IMMP2L: variants seen among roughly 807,000 people sequenced by gnomAD.
IMMP2L encodes the protein inner mitochondrial membrane peptidase subunit 2.
A neutral mutation model predicts 19.3 loss-of-function variants in IMMP2L; 18 were observed. That is an observed-to-expected ratio of 0.93 (90% CI 0.64 to 1.38). The LOEUF (loss-of-function observed/expected upper bound fraction) is 1.38, where lower values mean the gene tolerates loss of function less well. Ranked by LOEUF, IMMP2L falls within the 40% of genes most tolerant of loss-of-function variation. The pLI, the probability that IMMP2L is intolerant of heterozygous loss-of-function variation, is 0.00. For missense variants in IMMP2L, 233 were observed against 218.2 expected (o/e 1.07, Z -0.43); for synonymous variants, 76 against 73.0 (o/e 1.04, Z -0.21).
intron 5 of IMMP2L, among the ~76,000 whole-genome samples, chr7:110,713,339 A>T (rs187434675): frequency 6.6e-6 from 1 of 152,266 alleles, no homozygotes; most frequent in East Asian, 1.9e-4. Flanking sequence ...GAAGTCAGGT[A>T]ATGTGATGCG....
chr7:111,281,439 A>G (rs909914248), intron 3 of IMMP2L, among the ~76,000 whole-genome samples: 2 of 152,200 alleles, frequency 1.3e-5, no homozygotes, highest in Admixed American at 1.3e-4. Context: ...AAACTGTCAC[A>G]AACCTCACAG....
chr7:111,490,271 G>A lies in IMMP2L; in HGVS notation c.136-2930C>T, dbSNP rs1298503437. ...GCATACCACCACATCCAGCTAAGTC[G>A]GGTTTTTTTTTTCCTTTTTTTTTTT... On this transcript the variant is annotated intron_variant, in intron 2 of 5. Transcript: ENST00000405709. Among the ~76,000 whole-genome samples, 10 of 149,734 alleles carry A rather than the reference G, an allele frequency of 6.7e-5. No individual in the cohort carries two copies. The South Asian group carries it at 1.9e-3, about 28-fold the overall frequency.
chr7:110,698,340 C>T (rs909717237), intron 5 of IMMP2L, among the ~76,000 whole-genome samples: 1 of 152,192 alleles, frequency 6.6e-6, no homozygotes, highest in African/African-American at 2.4e-5. Context: ...ACTACTCAGA[C>T]CTTAATGTTA....
chr7:111,296,341 C>T (rs1303474049), intron 3 of IMMP2L, among the ~76,000 whole-genome samples: 1 of 151,750 alleles, frequency 6.6e-6, no homozygotes. Context: ...ATTAAAACGA[C>T]TAAAGTTAAA....
chr7:110,852,359 C>T (rs146029170), intron 5 of IMMP2L, among the ~76,000 whole-genome samples: 23 of 152,040 alleles, frequency 1.5e-4, no homozygotes, highest in African/African-American at 5.6e-4. Flanking sequence ...TAGACAAATA[C>T]AGTTCATTAC....
chr7:110,970,717 G>A (rs1185113395), intron 3 of IMMP2L, among the ~76,000 whole-genome samples: 1 of 152,020 alleles, frequency 6.6e-6, no homozygotes, highest in Non-Finnish European at 1.5e-5. Flanking sequence ...ACATGCACTC[G>A]GAAGCATTCT....
At chr7:111,196,746 CA>C (rs954880296) in intron 3 of IMMP2L, among the ~76,000 whole-genome samples, 21 of 152,090 alleles carry the variant, frequency 1.4e-4, no homozygotes, top group African/African-American at 5.1e-4. Context: ...ATGGTTCCTT[CA>C]AAATTTTTCA....
chr7:111,083,072 A>T (rs2129576674), intron 3 of IMMP2L, among the ~76,000 whole-genome samples: 1 of 152,302 alleles, frequency 6.6e-6, no homozygotes, highest in Non-Finnish European at 1.5e-5. Flanking sequence ...TGTAGTCTCA[A>T]ATATATTTAA....
At chr7:111,063,759 A>C (rs968430814) in intron 3 of IMMP2L, among the ~76,000 whole-genome samples, 2 of 152,176 alleles carry the variant, frequency 1.3e-5, no homozygotes, top group African/African-American at 4.8e-5. Flanking sequence ...TCTTTGCTAA[A>C]ACATAACAAG....
At chr7:111,122,693 C>A in intron 3 of IMMP2L, 1 of 1,079,102 alleles carries the variant, frequency 9.3e-7, no homozygotes, top group East Asian at 2.4e-5. Context: ...TCTTCCTTAT[C>A]AATCAGCTCC....
At chr7:110,726,592 G>A (rs1795899373) in intron 5 of IMMP2L, among the ~76,000 whole-genome samples, 1 of 152,142 alleles carries the variant, frequency 6.6e-6, no homozygotes, top group Non-Finnish European at 1.5e-5. Flanking sequence ...GAACTTATTT[G>A]GAAAAAGTTA....
chr7:111,303,121 G>T (rs1822448077), intron 3 of IMMP2L, among the ~76,000 whole-genome samples: 1 of 152,054 alleles, frequency 6.6e-6, no homozygotes, highest in Non-Finnish European at 1.5e-5. Flanking sequence ...AAACCCAAAT[G>T]CATTTCTAAG....
At chr7:111,276,421 T>C (rs1477412200) in intron 3 of IMMP2L, among the ~76,000 whole-genome samples, 1 of 152,076 alleles carries the variant, frequency 6.6e-6, no homozygotes, top group Non-Finnish European at 1.5e-5. Flanking sequence ...TATTGTTGTC[T>C]CCTTATCTGG....
intron 3 of IMMP2L, among the ~76,000 whole-genome samples, chr7:111,467,530 G>A (rs1456066082): frequency 6.6e-6 from 1 of 152,092 alleles, no homozygotes. Context: ...AAGATGGCTG[G>A]TATGTATATT....
At chr7:111,468,144 A>G (rs1029167498) in intron 3 of IMMP2L, among the ~76,000 whole-genome samples, 4 of 152,164 alleles carry the variant, frequency 2.6e-5, no homozygotes, top group Non-Finnish European at 5.9e-5. Context: ...GTATTACCTC[A>G]GGGGATCTAT....
intron 3 of IMMP2L, among the ~76,000 whole-genome samples, chr7:110,978,655 T>A (rs1820945657): frequency 6.6e-6 from 1 of 152,058 alleles, no homozygotes; most frequent in Non-Finnish European, 1.5e-5. Context: ...AACTATTAAT[T>A]GCTTAAAAAA....
intron 3 of IMMP2L, among the ~76,000 whole-genome samples, chr7:111,335,382 A>C (rs920912602): frequency 6.6e-6 from 1 of 152,152 alleles, no homozygotes; most frequent in African/African-American, 2.4e-5. Flanking sequence ...AAAGAGTGGA[A>C]ATATAACAAA....
chr7:110,935,055 A>T (rs917977191), intron 4 of IMMP2L, among the ~76,000 whole-genome samples: 8 of 152,040 alleles, frequency 5.3e-5, no homozygotes, highest in Admixed American at 2.0e-4. Flanking sequence ...ATAGCTGGTT[A>T]TTTTGCCCAT....
intron 5 of IMMP2L, among the ~76,000 whole-genome samples, chr7:110,739,726 A>G (rs922752481): frequency 6.6e-6 from 1 of 152,198 alleles, no homozygotes; most frequent in African/African-American, 2.4e-5. Context: ...ACAGATATTT[A>G]CAGAACATTC....
Sources: gnomAD v4.1 joint callset for allele counts (sites outside exome capture counted in the v4.1 genomes callset) on GRCh38, gnomAD v4.1.1 for gene constraint, MANE v1.5 for transcripts, NCBI Gene and HGNC (gene_info 2026-07-23, HGNC 2026-07-21) for gene names.